Variants in ATOSA observed in about 807,000 individuals in gnomAD.
The protein encoded by ATOSA is atos homolog protein A.
At chr15:52,649,935 A>T in the ATOSA span, 1 of 152,288 alleles carries the variant, frequency 6.6e-6, no homozygotes, top group East Asian at 1.9e-4. Flanking sequence ...CAGTACACTC[A>T]ACTTTCTTAC....
At chr15:52,688,762 T>C in the ATOSA span, among the ~76,000 whole-genome samples, 1 of 152,182 alleles carries the variant, frequency 6.6e-6, no homozygotes. Flanking sequence ...GATGAAGATA[T>C]TGGTGTCATG....
chr15:52,697,993 G>C, the ATOSA span, among the ~76,000 whole-genome samples: 1 of 24,826 alleles, frequency 4.0e-5, no homozygotes, highest in African/African-American at 1.4e-4. Flanking sequence ...TTTTTTTTTT[G>C]TGAGACAGAG....
the ATOSA span, chr15:52,598,528 C>A: frequency 6.6e-6 from 1 of 152,152 alleles, no homozygotes; most frequent in African/African-American, 2.4e-5. Flanking sequence ...CTAACCCCAT[C>A]TTTTATTGCA....
At chr15:52,633,045 G>A in the ATOSA span, among the ~76,000 whole-genome samples, 2 of 152,140 alleles carry the variant, frequency 1.3e-5, no homozygotes, top group Non-Finnish European at 2.9e-5. Context: ...GCAAGTACAG[G>A]CATGTTACTT....
At chr15:52,630,767 T>C in the ATOSA span, among the ~76,000 whole-genome samples, 2 of 152,088 alleles carry the variant, frequency 1.3e-5, no homozygotes, top group African/African-American at 4.8e-5. Context: ...CAACAAAATT[T>C]TGGAAAAAAC....
the ATOSA span, chr15:52,678,190 G>T: frequency 1.3e-6 from 1 of 780,910 alleles, no homozygotes; most frequent in Non-Finnish European, 2.1e-6. Context: ...GTAAACTACT[G>T]TTAAGTTAGG....
chr15:52,605,177 T>C, the ATOSA span: 2 of 1,611,266 alleles, frequency 1.2e-6, no homozygotes, highest in Non-Finnish European at 1.7e-6. Context: ...TGAAAGGCTC[T>C]GGTTGAAGTT....
At chr15:52,643,030 A>G in the ATOSA span, among the ~76,000 whole-genome samples, 1 of 151,930 alleles carries the variant, frequency 6.6e-6, no homozygotes, top group African/African-American at 2.4e-5. Flanking sequence ...CACACCTGCC[A>G]AACTCATTCT....
At chr15:52,696,994 A>G in the ATOSA span, among the ~76,000 whole-genome samples, 7 of 152,146 alleles carry the variant, frequency 4.6e-5, no homozygotes, top group Non-Finnish European at 7.4e-5. Context: ...TGATCTTATT[A>G]CTTCCATAAT....
chr15:52,614,067 C>A, the ATOSA span: 18 of 468,988 alleles, frequency 3.8e-5, no homozygotes, highest in African/African-American at 3.4e-4. Flanking sequence ...TCTAGTTGAA[C>A]TGGTATATTA....
the ATOSA span, among the ~76,000 whole-genome samples, chr15:52,641,083 A>C: frequency 1.5e-4 from 23 of 152,214 alleles, no homozygotes; most frequent in Non-Finnish European, 3.2e-4. Flanking sequence ...CTCTTATCTG[A>C]AGAAAAAATA....
chr15:52,666,079 G>A, the ATOSA span, among the ~76,000 whole-genome samples: 6 of 152,098 alleles, frequency 3.9e-5, no homozygotes, highest in Non-Finnish European at 8.8e-5. Flanking sequence ...CAGAATAGGA[G>A]CATTACTATT....
chr15:52,707,670 A>G, the ATOSA span, among the ~76,000 whole-genome samples: 5 of 152,210 alleles, frequency 3.3e-5, no homozygotes, highest in South Asian at 1.0e-3. Flanking sequence ...GAAATTTACT[A>G]TTTTGTGGTT....
the ATOSA span, among the ~76,000 whole-genome samples, chr15:52,697,251 A>G: frequency 6.6e-6 from 1 of 151,890 alleles, no homozygotes; most frequent in African/African-American, 2.4e-5. Flanking sequence ...AACCATGGAA[A>G]CTCTTGCTTC....
the ATOSA span, chr15:52,601,034 G>T: frequency 1.7e-6 from 2 of 1,157,868 alleles, no homozygotes; most frequent in Non-Finnish European, 2.5e-6. Context: ...TTAAAGACCA[G>T]AATTTTGTGA....
chr15:52,669,565 A>G, the ATOSA span, among the ~76,000 whole-genome samples: 1 of 152,274 alleles, frequency 6.6e-6, no homozygotes, highest in Non-Finnish European at 1.5e-5. Flanking sequence ...AAAGTTTTAC[A>G]AATAGCCTAA....
At chr15:52,688,088 G>A in the ATOSA span, among the ~76,000 whole-genome samples, 2 of 152,180 alleles carry the variant, frequency 1.3e-5, no homozygotes, top group Non-Finnish European at 2.9e-5. Context: ...CATCACAGCT[G>A]ACCCGTAGAT....
the ATOSA span, among the ~76,000 whole-genome samples, chr15:52,633,070 T>C: frequency 3.3e-5 from 5 of 152,342 alleles, no homozygotes; most frequent in South Asian, 1.0e-3. Context: ...TCTTCATTTA[T>C]GAAATGGGAA....
the ATOSA span, among the ~76,000 whole-genome samples, chr15:52,660,072 G>C: frequency 6.6e-6 from 1 of 152,138 alleles, no homozygotes; most frequent in Non-Finnish European, 1.5e-5. Flanking sequence ...TTTTAAGCGT[G>C]AATTTTGTAT....
Sources: allele counts gnomAD v4.1 joint callset (sites outside exome capture counted in the v4.1 genomes callset), GRCh38; gene constraint gnomAD v4.1.1; transcripts MANE v1.5; gene names NCBI Gene and HGNC (gene_info 2026-07-23, HGNC 2026-07-21).